OTUD7A: variants seen among roughly 807,000 people sequenced by gnomAD.
The protein encoded by OTUD7A is OTU deubiquitinase 7A.
A neutral mutation model predicts 65.7 loss-of-function variants in OTUD7A; 12 were observed. The ratio of observed to expected loss-of-function variants is 0.18; its 90% CI spans 0.12 to 0.30. The LOEUF is 0.30. Among genes scored for constraint, OTUD7A ranks in the 10% least tolerant of loss-of-function variants. The pLI, the probability that OTUD7A is intolerant of heterozygous loss-of-function variation, is 1.00. For missense variants in OTUD7A, 1,148 were observed against 1,304.8 expected (o/e 0.88, Z 1.85); for synonymous variants, 641 against 586.3 (o/e 1.09, Z -1.35).
At position 31,495,131 on chromosome 15, in the gene OTUD7A, C is replaced by T. The variant is rs74643460; in HGVS notation, c.1171+6559G>A. 8.3e-3 allele frequency among the ~76,000 whole-genome samples: 1,271 copies of T among 152,236 alleles called. 11 individuals are homozygous for T. The highest frequency in any genetic ancestry group is 0.029 in the African/African-American group (1,216 of 41,534). On this transcript the variant is annotated intron_variant, in intron 10 of 12. Transcript: ENST00000307050. ...GAGGGGAGGCTGGCATCTGGGTGCACTCTTGCTTTCTCTTCTCTCCAGGCC... is the reference window on the plus strand; with the variant it reads ...GAGGGGAGGCTGGCATCTGGGTGCATTCTTGCTTTCTCTTCTCTCCAGGCC...
intron 3 of OTUD7A, among the ~76,000 whole-genome samples, chr15:31,611,203 T>A (rs1163185163): frequency 6.6e-6 from 1 of 151,978 alleles, no homozygotes; most frequent in Non-Finnish European, 1.5e-5. Context: ...TCAAAAAGAC[T>A]GAAAGAGCAC....
At chr15:31,755,402 C>G (rs1346515359) in intron 1 of OTUD7A, among the ~76,000 whole-genome samples, 2 of 152,064 alleles carry the variant, frequency 1.3e-5, no homozygotes, top group East Asian at 1.9e-4. Context: ...TAAGGAAAAC[C>G]TAAACTGTGC....
rs993279644 is a variant in OTUD7A at position 31,801,694 on chromosome 15, T to C, written c.-100+68813A>G. Among the ~76,000 whole-genome samples, 8 of 152,200 alleles carry C rather than the reference T, an allele frequency of 5.3e-5. No homozygotes were observed. The South Asian group carries it at 8.3e-4, about 16-fold the overall frequency. ...TGTGTGTATGTGTGTATGCAAGAAA[T>C]ATGAGGTTTACTATTAAATTATTTT... On this transcript the variant is annotated intron_variant, in intron 1 of 12. Transcript: ENST00000307050.
At chr15:31,537,967 C>A (rs1160516437) in intron 5 of OTUD7A, among the ~76,000 whole-genome samples, 7 of 152,224 alleles carry the variant, frequency 4.6e-5, no homozygotes, top group Non-Finnish European at 1.0e-4. Context: ...CTGACAGCGC[C>A]CTGCTTGTGT....
At chr15:31,681,394 A>G (rs186715620) in intron 1 of OTUD7A, among the ~76,000 whole-genome samples, 2 of 151,934 alleles carry the variant, frequency 1.3e-5, no homozygotes, top group Admixed American at 6.6e-5. Context: ...TTTGTGCTAT[A>G]TATCTGTCTA....
chr15:31,632,864 G>C (rs956032526), intron 3 of OTUD7A, among the ~76,000 whole-genome samples: 1 of 152,208 alleles, frequency 6.6e-6, no homozygotes, highest in Non-Finnish European at 1.5e-5. Flanking sequence ...CTTGCAGTTT[G>C]ATCTCAGACT....
chr15:31,869,795 T>C (rs969722398), intron 1 of OTUD7A, among the ~76,000 whole-genome samples: 1 of 152,160 alleles, frequency 6.6e-6, no homozygotes, highest in Admixed American at 6.5e-5. Flanking sequence ...AGCGGTTGTG[T>C]CCAATGAAGG....
chr15:31,610,747 A>G (rs12907406), intron 3 of OTUD7A, among the ~76,000 whole-genome samples: 48,954 of 148,012 alleles, frequency 0.33, 10,713 homozygotes, highest in African/African-American at 0.62. Context: ...TCAGCCTCCC[A>G]AGTAGCTGGG....
At chr15:31,765,069 A>G (rs2140907544) in intron 1 of OTUD7A, among the ~76,000 whole-genome samples, 1 of 152,306 alleles carries the variant, frequency 6.6e-6, no homozygotes, top group Admixed American at 6.5e-5. Flanking sequence ...TTGAATGAAT[A>G]TATGATTGCC....
intron 4 of OTUD7A, among the ~76,000 whole-genome samples, chr15:31,563,575 G>A (rs1485066208): frequency 6.6e-6 from 1 of 152,198 alleles, no homozygotes. Context: ...AGCATGGCCT[G>A]CCTTCCCTAT....
intron 1 of OTUD7A, among the ~76,000 whole-genome samples, chr15:31,657,309 A>T (rs1442026325): frequency 1.3e-5 from 2 of 151,350 alleles, no homozygotes; most frequent in African/African-American, 4.9e-5. Flanking sequence ...AAGCACATCT[A>T]TTTCAGTGAG....
intron 3 of OTUD7A, among the ~76,000 whole-genome samples, chr15:31,603,311 T>A (rs1036155065): frequency 7.2e-5 from 11 of 152,228 alleles, no homozygotes; most frequent in African/African-American, 1.7e-4. Flanking sequence ...CCATCTGATC[T>A]TTGACAAACC....
intron 3 of OTUD7A, among the ~76,000 whole-genome samples, chr15:31,643,382 CTTTTT>C (rs537978793): frequency 6.6e-6 from 1 of 151,986 alleles, no homozygotes; most frequent in African/African-American, 2.4e-5. Context: ...TAACCTTTCT[CTTTTT>C]TTTGTATTAA....
At chr15:31,584,275 T>C (rs1337834528) in intron 3 of OTUD7A, among the ~76,000 whole-genome samples, 3 of 152,194 alleles carry the variant, frequency 2.0e-5, no homozygotes, top group Non-Finnish European at 2.9e-5. Flanking sequence ...CACTGATGAA[T>C]TACACAAGTT....
In OTUD7A at chr15:31,559,244, T is replaced by C. The variant is rs543572422; in HGVS notation, c.332-57A>G. On this transcript the variant is annotated intron_variant, in intron 4 of 12. Coordinates refer to ENST00000307050, the MANE Select transcript of OTUD7A (RefSeq NM_001382637.1). ...GGCTGAGTGGGTGTAGGTGTGGCTC[T>C]ATGTACATAAACACACATACTATGC... 2.0e-6 allele frequency: 3 copies of C among 1,506,784 alleles called. No individual in the cohort carries two copies. In the South Asian group the frequency reaches 3.7e-5, roughly 19 times the overall value. The allele number at this position is 1,506,784 out of a possible 1,614,324, so 93.3% of individuals were successfully genotyped here.
intron 3 of OTUD7A, among the ~76,000 whole-genome samples, chr15:31,579,906 A>G (rs1889321929): frequency 6.6e-6 from 1 of 152,248 alleles, no homozygotes; most frequent in Non-Finnish European, 1.5e-5. Context: ...TTGGAGCCCA[A>G]CGCATTCCTA....
rs375688748 is a variant in OTUD7A at position 31,484,231 on chromosome 15, C to G, written c.1865G>C (p.Ser622Thr). The G allele has an allele frequency of 6.2e-7, 1 of 1,604,994 alleles. No homozygotes were observed. The highest frequency in any genetic ancestry group is 8.5e-7 in the Non-Finnish European group (1 of 1,177,314). ...GGPRGDAWKYSTDVKLSLNIL... is the reference protein window; with the variant it reads ...GGPRGDAWKYTTDVKLSLNIL... The stretch of plus-strand genomic sequence containing the variant: ...GTTGAGGCTCAGCTTCACATCCGTG[C>G]TGTACTTCCAGGCGTCGCCCCGCGG... The change falls in exon 13 of 13, where the codon AGC becomes ACC. Residue 622 changes from serine (S) to threonine (T), a missense_variant. Transcript: ENST00000307050. The surrounding 1 kb of genome is among the most constrained non-coding windows in gnomAD (Gnocchi z 4.5).
intron 1 of OTUD7A, among the ~76,000 whole-genome samples, chr15:31,858,193 G>A (rs1897627081): frequency 6.6e-6 from 1 of 152,172 alleles, no homozygotes. Context: ...TTGGAGCAGG[G>A]AGAGAGCCTA....
intron 3 of OTUD7A, among the ~76,000 whole-genome samples, chr15:31,620,202 C>T (rs1365644429): frequency 6.6e-6 from 1 of 152,170 alleles, no homozygotes; most frequent in Non-Finnish European, 1.5e-5. Context: ...CATCGATGTT[C>T]ATCAGGGATA....
Sources: allele counts gnomAD v4.1 joint callset (sites outside exome capture counted in the v4.1 genomes callset), GRCh38; gene constraint gnomAD v4.1.1; non-coding constraint Gnocchi (gnomAD v3.1); transcripts MANE v1.5; gene names NCBI Gene and HGNC (gene_info 2026-07-23, HGNC 2026-07-21).